The following NME9 variants were observed in gnomAD, a reference collection of about 807,000 sequenced individuals.
The protein encoded by NME9 is thioredoxin domain-containing protein 6.
In NME9, 48 loss-of-function variants were observed where a neutral mutation model predicts 44.4. The ratio of observed to expected loss-of-function variants is 1.08; its 90% CI spans 0.86 to 1.37. NME9 has a LOEUF of 1.37. Ranked by LOEUF, NME9 falls within the 40% of genes most tolerant of loss-of-function variation. NME9 has a pLI of 0.00. For missense variants in NME9, 325 were observed against 405.2 expected, an observed-to-expected ratio of 0.80 and a Z score of 1.70; for synonymous variants, 139 against 147.1, an observed-to-expected ratio of 0.94 and a Z score of 0.40.
intron 8 of NME9, among the ~76,000 whole-genome samples, chr3:138,295,515 G>A (rs2051401129): frequency 6.6e-6 from 1 of 152,198 alleles, no homozygotes; most frequent in African/African-American, 2.4e-5. Flanking sequence ...GTAAGAAAAA[G>A]TAAAGAATGT....
At chr3:138,287,794 A>G in intron 8 of NME9, 1 of 395,814 alleles carries the variant, frequency 2.5e-6, no homozygotes, top group Non-Finnish European at 5.2e-6. Context: ...CCTTGAAAAA[A>G]CCATTGAGCA....
At chr3:138,313,308 C>T (rs748728390) in intron 6 of NME9, among the ~76,000 whole-genome samples, 3 of 152,140 alleles carry the variant, frequency 2.0e-5, no homozygotes, top group Non-Finnish European at 2.9e-5. Flanking sequence ...ACGAGAATTG[C>T]TTGAACCTGG....
intron 8 of NME9, among the ~76,000 whole-genome samples, chr3:138,294,514 A>G (rs1057249371): frequency 1.3e-5 from 2 of 152,208 alleles, no homozygotes; most frequent in African/African-American, 2.4e-5. Context: ...ACTATTCACA[A>G]TATCATCTTT....
intron 10 of NME9, among the ~76,000 whole-genome samples, chr3:138,301,949 A>G (rs1457781940): frequency 6.6e-6 from 1 of 152,240 alleles, no homozygotes; most frequent in Non-Finnish European, 1.5e-5. Context: ...CAACAGCTCT[A>G]TGATGAAGAT....
intron 8 of NME9, chr3:138,267,248 AT>A (rs1389026692): frequency 1.3e-6 from 2 of 1,527,102 alleles, no homozygotes; most frequent in Admixed American, 4.1e-5. Flanking sequence ...AGAGGTTAGT[AT>A]TGATTTTCTT....
intron 8 of NME9, among the ~76,000 whole-genome samples, chr3:138,264,418 T>C (rs575446477): frequency 2.0e-4 from 27 of 133,772 alleles, no homozygotes; most frequent in East Asian, 4.3e-4. Context: ...CTTTCTTTTT[T>C]TTTTTTTTTT....
intron 8 of NME9, among the ~76,000 whole-genome samples, chr3:138,263,116 G>T (rs1471933387): frequency 6.6e-6 from 1 of 152,332 alleles, no homozygotes; most frequent in East Asian, 1.9e-4. Flanking sequence ...GTCAAATTCA[G>T]TTTCCTTCAC....
chr3:138,284,610 TAA>T, intron 8 of NME9: 1 of 1,018,288 alleles, frequency 9.8e-7, no homozygotes, highest in Admixed American at 1.9e-5. Context: ...GCAGAGATTT[TAA>T]AAAGAGGAAA....
chr3:138,318,473 G>C (rs1171232684), intron 3 of NME9, among the ~76,000 whole-genome samples: 4 of 151,950 alleles, frequency 2.6e-5, no homozygotes, highest in Non-Finnish European at 5.9e-5. Context: ...GTCCAAGGGA[G>C]CGTTACTGGC....
downstream of NME9, chr3:138,296,155 T>G: frequency 5.0e-6 from 2 of 399,384 alleles, no homozygotes; most frequent in Non-Finnish European, 9.0e-6. Context: ...AATCAATCAT[T>G]TTCCTTTGGA....
chr3:138,310,836 G>A (rs112103657), intron 6 of NME9, among the ~76,000 whole-genome samples: 2 of 152,140 alleles, frequency 1.3e-5, no homozygotes, highest in East Asian at 1.9e-4. Context: ...TCAAATAACC[G>A]AATGGATGCA....
intron 4 of NME9, among the ~76,000 whole-genome samples, chr3:138,316,367 T>C (rs1374349885): frequency 6.6e-6 from 1 of 152,096 alleles, no homozygotes; most frequent in African/African-American, 2.4e-5. Context: ...ACATTAAACA[T>C]GAAAAAACAT....
chr3:138,326,040 T>C (rs1475622764), intron 1 of NME9, among the ~76,000 whole-genome samples: 2 of 152,208 alleles, frequency 1.3e-5, no homozygotes, highest in Admixed American at 6.5e-5. Flanking sequence ...GTCTTTTTAG[T>C]CTGGAATAGT....
Position 138,319,557 on chromosome 3 carries a change from C to T in NME9, c.116G>A (p.Cys39Tyr). ...GCTCACCACAGGTTTGCAGGGGCCA[C>T]ACCAGCCTTGATAGACATCAACAAC... ...LTVVDVYQGW[C>Y]GPCKPVVSLF... The change falls in exon 3 of 11, where the codon TGT becomes TAT. Residue 39 changes from cysteine to tyrosine, a missense_variant. Transcript: ENST00000333911. 1 of 1,612,762 alleles carries T rather than the reference C, an allele frequency of 6.2e-7. No homozygotes were observed. The highest frequency in any genetic ancestry group is 1.7e-5 in the Admixed American group (1 of 60,010).
intron 5 of NME9, 150 bp downstream of exon 5, chr3:138,315,377 A>T: frequency 1.6e-6 from 1 of 610,008 alleles, no homozygotes; most frequent in Non-Finnish European, 2.9e-6. Flanking sequence ...TCACCAGGGC[A>T]CAGTGCATGA....
At chr3:138,266,577 G>A (rs1490262635) in intron 8 of NME9, among the ~76,000 whole-genome samples, 1 of 152,098 alleles carries the variant, frequency 6.6e-6, no homozygotes, top group Non-Finnish European at 1.5e-5. Context: ...CTATCAAGGA[G>A]GTCTTATTTT....
At chr3:138,304,130 C>T (rs1204278056) in intron 9 of NME9, among the ~76,000 whole-genome samples, 3 of 152,184 alleles carry the variant, frequency 2.0e-5, no homozygotes, top group African/African-American at 4.8e-5. Flanking sequence ...GATGGATGCT[C>T]ATATCCCCGT....
At chr3:138,287,982 A>G (rs754728657) in intron 8 of NME9, 1 of 174,146 alleles carries the variant, frequency 5.7e-6, no homozygotes, top group Non-Finnish European at 1.2e-5. Context: ...TCAGTACATA[A>G]AGCAAAATAA....
At chr3:138,283,923 G>A (rs1297498353) in intron 8 of NME9, among the ~76,000 whole-genome samples, 10 of 152,148 alleles carry the variant, frequency 6.6e-5, no homozygotes, top group Admixed American at 6.5e-4. Flanking sequence ...GGTGTAGCTG[G>A]TGGACAGGGT....
Sources: allele counts gnomAD v4.1 joint callset (sites outside exome capture counted in the v4.1 genomes callset), GRCh38; gene constraint gnomAD v4.1.1; transcripts MANE v1.5; gene names NCBI Gene and HGNC (gene_info 2026-07-23, HGNC 2026-07-21).